The following RXFP2 variants were observed in gnomAD, a reference collection of about 807,000 sequenced individuals.
RXFP2 encodes relaxin family peptide receptor 2, also known as relaxin receptor 2.
In RXFP2, 68 loss-of-function variants were observed where a neutral mutation model predicts 88.6. The observed-to-expected ratio is 0.77, with a 90% confidence interval of 0.63 to 0.94. RXFP2 has a LOEUF of 0.94. Ranked by LOEUF, RXFP2 falls within the 40% of genes least tolerant of loss-of-function variation. RXFP2 has a pLI of 0.00. For synonymous variants in RXFP2, 329 were observed against 306.8 expected, an observed-to-expected ratio of 1.07 and a Z score of -0.76; for missense variants, 791 against 893.9, an observed-to-expected ratio of 0.88 and a Z score of 1.47.
At chr13:31,789,624 G>A (rs1053884943) in intron 14 of RXFP2, among the ~76,000 whole-genome samples, 8 of 152,174 alleles carry the variant, frequency 5.3e-5, no homozygotes, top group Non-Finnish European at 7.3e-5. Flanking sequence ...ACAAAATGGA[G>A]GTAATTAATC....
At chr13:31,776,467 C>T (rs772206690) in intron 7 of RXFP2, among the ~76,000 whole-genome samples, 141 of 151,648 alleles carry the variant, frequency 9.3e-4, no homozygotes, top group Non-Finnish European at 1.6e-3. Flanking sequence ...CACCATGTTG[C>T]CCAGGATGGT....
chr13:31,765,469 A>T (rs1227441221), intron 4 of RXFP2, among the ~76,000 whole-genome samples: 1 of 151,544 alleles, frequency 6.6e-6, no homozygotes, highest in African/African-American at 2.4e-5. Flanking sequence ...ACACTCACTT[A>T]TTCTACGTTT....
chr13:31,759,244 TA>T (rs955457098), intron 2 of RXFP2, among the ~76,000 whole-genome samples: 4 of 150,752 alleles, frequency 2.7e-5, no homozygotes, highest in African/African-American at 9.8e-5. Flanking sequence ...AACCTGTATG[TA>T]AAAAAATCAA....
chr13:31,788,604 T>C (rs937362584), intron 13 of RXFP2, among the ~76,000 whole-genome samples: 1 of 152,176 alleles, frequency 6.6e-6, no homozygotes, highest in African/African-American at 2.4e-5. Flanking sequence ...ATTAAAGGAA[T>C]TCTAAGACAT....
chr13:31,781,017 T>C (rs1486380216), intron 9 of RXFP2, among the ~76,000 whole-genome samples: 1 of 152,222 alleles, frequency 6.6e-6, no homozygotes, highest in Non-Finnish European at 1.5e-5. Flanking sequence ...AGAAAGAGCC[T>C]GCACTTTGGC....
Position 31,792,745 on chromosome 13 carries a change from G to A in RXFP2, c.1443G>A (p.Gln481=). 6.2e-7 allele frequency: 1 copy of A among 1,614,140 alleles called. No homozygotes were observed. Among genetic ancestry groups the A allele is most frequent in the Non-Finnish European group, 8.5e-7 (1 of 1,179,994 alleles). ...TTTTCGATATAAAATACCGAGGGCA[G>A]TATCAGAAGTATGCCTTGCTGTGGA... ...VGIFDIKYRG[Q]YQKYALLWME... Residue 481 remains glutamine, a synonymous_variant, in exon 16 of 18, where the codon CAG becomes CAA. Transcript: ENST00000298386.
intron 16 of RXFP2, among the ~76,000 whole-genome samples, chr13:31,795,261 C>T (rs1307216855): frequency 2.0e-5 from 3 of 151,404 alleles, no homozygotes; most frequent in East Asian, 3.9e-4. Flanking sequence ...GTGATTATTT[C>T]GCCTCAGACT....
At chr13:31,751,241 G>A (rs548864103) in intron 1 of RXFP2, among the ~76,000 whole-genome samples, 70 of 152,214 alleles carry the variant, frequency 4.6e-4, no homozygotes, top group Non-Finnish European at 8.8e-4. Flanking sequence ...GCAGTGAGCC[G>A]AGATCATGCC....
rs1247811507 is a variant in RXFP2, at chr13:31,803,006, C to G, written c.*601C>G. The G allele has an allele frequency of 6.5e-6, 1 of 152,726 alleles. No individual in the cohort carries two copies. The highest frequency in any genetic ancestry group is 2.4e-5 in the African/African-American group (1 of 41,438). The allele number at this position is 152,726 out of a possible 1,614,324, so 9.5% of individuals were successfully genotyped here. The stretch of plus-strand genomic sequence containing the variant: ...TGACCAGAGAGTCACACTGATGAAG[C>G]CTCATACCATTTGCCTTTTGGATTT... On this transcript the variant is annotated 3_prime_UTR_variant, in exon 18 of 18. Coordinates refer to ENST00000298386, the MANE Select transcript of RXFP2 (RefSeq NM_130806.5).
At chr13:31,776,106 C>T (rs199876009) in intron 7 of RXFP2, among the ~76,000 whole-genome samples, 51 of 119,598 alleles carry the variant, frequency 4.3e-4, no homozygotes, top group African/African-American at 1.6e-3. Flanking sequence ...CTTTTCTTTT[C>T]TTTCTTTCTT....
At chr13:31,791,349 T>C (rs568971733) in intron 14 of RXFP2, among the ~76,000 whole-genome samples, 8 of 152,316 alleles carry the variant, frequency 5.3e-5, no homozygotes, top group African/African-American at 1.9e-4. Flanking sequence ...AGGAGGCTAG[T>C]TAAAGTCAGT....
intron 1 of RXFP2, among the ~76,000 whole-genome samples, chr13:31,743,416 C>T (rs1185442794): frequency 6.6e-6 from 1 of 151,588 alleles, no homozygotes; most frequent in African/African-American, 2.4e-5. Flanking sequence ...TGCAGTGAGC[C>T]GAGACTGCGC....
At chr13:31,789,227 G>T in intron 14 of RXFP2, 34 bp downstream of exon 14, 5 of 1,309,808 alleles carry the variant, frequency 3.8e-6, no homozygotes, top group Non-Finnish European at 4.4e-6. Flanking sequence ...GAGGAAGCAT[G>T]GTAAAATGCT....
intron 10 of RXFP2, 23 bp from the exon 11 acceptor site, chr13:31,782,652 GC>G (rs1460191511): frequency 1.3e-6 from 2 of 1,579,272 alleles, no homozygotes; most frequent in South Asian, 2.2e-5. Flanking sequence ...AAACCCACAT[GC>G]TGATTCTCGC....
intron 14 of RXFP2, 55 bp downstream of exon 14, chr13:31,789,248 T>C (rs1873691856): frequency 9.4e-6 from 10 of 1,066,596 alleles, no homozygotes; most frequent in Non-Finnish European, 1.2e-5. Context: ...TCAAATTATC[T>C]CCTGTAAACT....
chr13:31,776,930 C>T (rs1371150808), intron 7 of RXFP2, among the ~76,000 whole-genome samples: 1 of 152,142 alleles, frequency 6.6e-6, no homozygotes, highest in African/African-American at 2.4e-5. Context: ...TTAAACACAC[C>T]TTATTTAATA....
chr13:31,784,334 T>C (rs995298424), intron 11 of RXFP2, among the ~76,000 whole-genome samples: 1 of 152,126 alleles, frequency 6.6e-6, no homozygotes, highest in Non-Finnish European at 1.5e-5. Context: ...ATTCAGAAGC[T>C]GGTAGGCTTA....
chr13:31,786,510 AAAT>A, intron 12 of RXFP2, 53 bp from the exon 13 acceptor site: 1 of 1,548,260 alleles, frequency 6.5e-7, no homozygotes. Flanking sequence ...TGAGCTTTCA[AAAT>A]AATAATACCT....
chr13:31,782,266 C>T (rs1873320007), intron 10 of RXFP2, among the ~76,000 whole-genome samples: 1 of 152,112 alleles, frequency 6.6e-6, no homozygotes, highest in Non-Finnish European at 1.5e-5. Context: ...TCAATCAGTG[C>T]ATTCATGCTG....
Sources: allele counts gnomAD v4.1 joint callset (sites outside exome capture counted in the v4.1 genomes callset), GRCh38; gene constraint gnomAD v4.1.1; transcripts MANE v1.5; gene names NCBI Gene and HGNC (gene_info 2026-07-23, HGNC 2026-07-21).